The following GPHN variants were observed in gnomAD, a reference collection of about 807,000 sequenced individuals.
GPHN encodes gephyrin.
Under a neutral mutation model 95.5 loss-of-function variants are expected in GPHN, and 17 were observed. The observed-to-expected ratio is 0.18, with a 90% confidence interval of 0.12 to 0.27. The LOEUF (loss-of-function observed/expected upper bound fraction) is 0.27, where lower values mean the gene tolerates loss of function less well. Ranked by LOEUF, GPHN falls within the 10% of genes least tolerant of loss-of-function variation. The pLI is 1.00. For missense variants in GPHN, 660 were observed against 978.1 expected, an observed-to-expected ratio of 0.67 and a Z score of 4.34; for synonymous variants, 320 against 322.5, an observed-to-expected ratio of 0.99 and a Z score of 0.08.
At chr14:67,096,895 AT>A (rs2077423967) in intron 12 of GPHN, among the ~76,000 whole-genome samples, 1 of 151,932 alleles carries the variant, frequency 6.6e-6, no homozygotes, top group Non-Finnish European at 1.5e-5. Context: ...CTTTCTAAAC[AT>A]TCTTAAGATG....
chr14:66,984,072 A>C (rs2070862056), intron 9 of GPHN, among the ~76,000 whole-genome samples: 1 of 152,182 alleles, frequency 6.6e-6, no homozygotes, highest in South Asian at 2.1e-4. Context: ...AACATAGAAA[A>C]TGGTGTTCAC....
At chr14:66,567,275 A>G (rs1199589148) in intron 1 of GPHN, among the ~76,000 whole-genome samples, 1 of 152,134 alleles carries the variant, frequency 6.6e-6, no homozygotes, top group African/African-American at 2.4e-5. Context: ...TCTTTTTAGC[A>G]GCGTAGGGGA....
the GPHN span, chr14:67,599,934 C>A: frequency 8.9e-7 from 1 of 1,123,010 alleles, no homozygotes; most frequent in African/African-American, 1.6e-5. Context: ...AGGGGCCGAC[C>A]AGAGGTCCGG....
the GPHN span, chr14:67,488,758 G>A: frequency 0.067 from 10,209 of 152,432 alleles, 535 homozygotes; most frequent in East Asian, 0.24. Flanking sequence ...CATCCTGCCG[G>A]CACAGCCTGC....
At chr14:67,293,583 G>T in the GPHN span, among the ~76,000 whole-genome samples, 2 of 151,990 alleles carry the variant, frequency 1.3e-5, no homozygotes, top group Admixed American at 6.6e-5. Context: ...TGGTTTAAAT[G>T]GTTTTCTGAA....
chr14:67,199,104 G>C, the GPHN span: 1 of 1,176,692 alleles, frequency 8.5e-7, no homozygotes, highest in Admixed American at 1.7e-5. Context: ...GGATGCCACT[G>C]TGTACGTGGG....
rs192421920 is a variant in GPHN at position 66,627,911 on chromosome 14, A to G, written c.65-53196A>G. ...TATTAAAGAAATCTCTCTTCTACCTACTGTTAGATACACCACCCCATTATA... is the reference window on the plus strand; with the variant it reads ...TATTAAAGAAATCTCTCTTCTACCTGCTGTTAGATACACCACCCCATTATA... On this transcript the variant is annotated intron_variant, in intron 1 of 22. Transcript: ENST00000478722. Among the ~76,000 whole-genome samples, 18 of 152,184 alleles carry G rather than the reference A, an allele frequency of 1.2e-4. No individual in the cohort carries two copies. The East Asian group carries it at 3.1e-3, about 26-fold the overall frequency.
chr14:66,721,626 T>C (rs1485588323), intron 2 of GPHN, among the ~76,000 whole-genome samples: 1 of 152,100 alleles, frequency 6.6e-6, no homozygotes, highest in East Asian at 1.9e-4. Flanking sequence ...GAACTCTCAA[T>C]GTTAATTTAA....
intron 1 of GPHN, among the ~76,000 whole-genome samples, chr14:66,510,229 C>T (rs1450145071): frequency 6.6e-6 from 1 of 152,166 alleles, no homozygotes; most frequent in Non-Finnish European, 1.5e-5. Flanking sequence ...TATCTACCCT[C>T]AACTTGCACT....
the GPHN span, chr14:67,392,667 T>G: frequency 1.2e-6 from 2 of 1,609,590 alleles, no homozygotes; most frequent in African/African-American, 1.3e-5. Flanking sequence ...CTTACAAAAG[T>G]GTACAGGGCT....
At chr14:66,632,609 C>T (rs140600128) in intron 1 of GPHN, among the ~76,000 whole-genome samples, 1,832 of 151,248 alleles carry the variant, frequency 0.012, 21 homozygotes, top group Non-Finnish European at 0.018. Flanking sequence ...TCTTCTGCCT[C>T]AGCCTCCTGA....
the GPHN span, among the ~76,000 whole-genome samples, chr14:67,693,623 G>A: frequency 1.3e-5 from 2 of 151,052 alleles, no homozygotes; most frequent in African/African-American, 2.4e-5. Flanking sequence ...TGTGTAATTA[G>A]AGTCCTTGTT....
the GPHN span, among the ~76,000 whole-genome samples, chr14:67,367,684 A>G: frequency 4.2e-4 from 60 of 143,962 alleles, no homozygotes; most frequent in African/African-American, 1.6e-3. Flanking sequence ...AAAAAATACA[A>G]AAATTAGCTG....
chr14:67,200,040 A>G, the GPHN span: 1 of 935,234 alleles, frequency 1.1e-6, no homozygotes. Flanking sequence ...CTGGACACCC[A>G]GGCTCTGGGG....
chr14:67,625,519 T>TA, the GPHN span, among the ~76,000 whole-genome samples: 2 of 149,994 alleles, frequency 1.3e-5, no homozygotes, highest in African/African-American at 4.9e-5. Flanking sequence ...CTACTAAAAA[T>TA]ACAAAAAAAA....
chr14:66,674,203 A>C (rs773846394), intron 1 of GPHN, among the ~76,000 whole-genome samples: 1 of 150,158 alleles, frequency 6.7e-6, no homozygotes, highest in Non-Finnish European at 1.5e-5. Context: ...GGTTCATGCC[A>C]TTCTCCTGCC....
intron 1 of GPHN, among the ~76,000 whole-genome samples, chr14:66,631,322 C>T (rs1235726052): frequency 6.6e-6 from 1 of 152,192 alleles, no homozygotes; most frequent in Admixed American, 6.5e-5. Context: ...GCTGGGATTA[C>T]AGGCATGAGC....
the GPHN span, among the ~76,000 whole-genome samples, chr14:67,716,196 CA>C: frequency 1.2e-3 from 128 of 108,636 alleles, no homozygotes; most frequent in East Asian, 2.0e-3. Flanking sequence ...GACTCCGTCT[CA>C]AAAAAAAAAA....
intron 5 of GPHN, among the ~76,000 whole-genome samples, chr14:66,894,149 G>T (rs1474215507): frequency 1.3e-5 from 2 of 152,056 alleles, no homozygotes; most frequent in African/African-American, 2.4e-5. Flanking sequence ...GCATGGTACT[G>T]GTACCAAAAC....
Sources: allele counts gnomAD v4.1 joint callset (sites outside exome capture counted in the v4.1 genomes callset), GRCh38; gene constraint gnomAD v4.1.1; transcripts MANE v1.5; gene names NCBI Gene and HGNC (gene_info 2026-07-23, HGNC 2026-07-21).